The following STARD4 variants were observed in gnomAD, a reference collection of about 807,000 sequenced individuals.
STARD4 encodes the protein stAR-related lipid transfer protein 4.
STARD4 carries 33 observed loss-of-function variants against 24.9 expected under a neutral mutation model. The observed-to-expected ratio is 1.32, with a 90% CI of 1.00 to 1.77. The LOEUF (loss-of-function observed/expected upper bound fraction) is 1.77, where lower values mean the gene tolerates loss of function less well. STARD4 is among the 40% of genes most tolerant of loss of function. STARD4 has a pLI of 0.00. For missense variants in STARD4, 238 were observed against 249.3 expected, an observed-to-expected ratio of 0.95 and a Z score of 0.31; for synonymous variants, 88 against 77.4, an observed-to-expected ratio of 1.14 and a Z score of -0.72.
chr5:111,502,182 A>T, intron 3 of STARD4, 94 bp from the exon 4 acceptor site: 2 of 1,445,188 alleles, frequency 1.4e-6, no homozygotes, highest in East Asian at 2.3e-5. Flanking sequence ...TAAGGAAAAA[A>T]ATTAGGCCGG....
At chr5:111,508,119 A>G (rs1342514649) in intron 1 of STARD4, among the ~76,000 whole-genome samples, 2 of 152,122 alleles carry the variant, frequency 1.3e-5, no homozygotes, top group African/African-American at 4.8e-5. Flanking sequence ...ACTAATAACA[A>G]TGTAATGCCA....
rs775889089 is a variant in STARD4 at position 111,501,083 on chromosome 5, G to T, written c.316C>A (p.Gln106Lys). The change falls in exon 5 of 6, where the codon CAG becomes AAG. Residue 106 changes from glutamine (Q) to lysine (K), a missense_variant. Physicochemically the swap from Gln to Lys is moderately conservative, Grantham distance 53. Coordinates refer to ENST00000296632, the MANE Select transcript of STARD4 (RefSeq NM_139164.3). ...CCVMRYTTAG[Q>K]LWNIISPREF... ...CTTGGGGAAATTATATTCCAAAGCT[G>T]ACCAGCAGTAGTGTAACGCATCACA... 6.2e-7 allele frequency: 1 copy of T among 1,610,902 alleles called. No individual in the cohort carries two copies. Among genetic ancestry groups the T allele is most frequent in the Non-Finnish European group, 8.5e-7 (1 of 1,179,208 alleles).
Position 111,498,262 on chromosome 5 carries a change from G to A in STARD4, c.*1624C>T, listed in dbSNP as rs1756204148. 1 of 151,714 alleles carries A rather than the reference G, an allele frequency of 6.6e-6. No individual in the cohort carries two copies. The highest frequency in any genetic ancestry group is 2.4e-5 in the African/African-American group (1 of 41,326). The allele number at this position is 151,714 out of a possible 1,614,324, so 9.4% of individuals were successfully genotyped here. On this transcript the variant is annotated 3_prime_UTR_variant, in exon 6 of 6. Coordinates refer to ENST00000296632, the MANE Select transcript of STARD4 (RefSeq NM_139164.3). ...TACCTAGAGTGGGTCCATGTTTAAC[G>A]GTGAATTATGTAATTACTTATTGGA... is the stretch of plus-strand genomic sequence containing the variant.
chr5:111,506,411 T>C (rs755614849), intron 2 of STARD4, 32 bp from the exon 3 acceptor site: 3 of 1,126,410 alleles, frequency 2.7e-6, no homozygotes, highest in Admixed American at 2.1e-5. Flanking sequence ...ATGGTAATAA[T>C]TGCATAGGTG....
At chr5:111,501,843 C>G in intron 4 of STARD4, 119 bp downstream of exon 4, 1 of 1,372,136 alleles carries the variant, frequency 7.3e-7, no homozygotes, top group Non-Finnish European at 9.9e-7. Context: ...GTCGTGACTG[C>G]TATTCTCAAA....
At chr5:111,509,371 C>T (rs889656861) in intron 1 of STARD4, among the ~76,000 whole-genome samples, 97 of 152,122 alleles carry the variant, frequency 6.4e-4, no homozygotes, top group Admixed American at 1.8e-3. Flanking sequence ...ATCCAGTGCA[C>T]GGAAAGTTAC....
intron 4 of STARD4, 128 bp from the exon 5 acceptor site, chr5:111,501,244 C>T: frequency 9.6e-7 from 1 of 1,040,730 alleles, no homozygotes. Flanking sequence ...ATAATTCTTA[C>T]ACTGATTCTG....
At chr5:111,512,035 A>G (rs1757332038) in intron 1 of STARD4, among the ~76,000 whole-genome samples, 2 of 152,148 alleles carry the variant, frequency 1.3e-5, no homozygotes, top group South Asian at 4.1e-4. Context: ...GGACTGTCCC[A>G]AATCAAGCGG....
chr5:111,500,666 G>A (rs1756370629), intron 5 of STARD4: 6 of 1,290,588 alleles, frequency 4.6e-6, no homozygotes, highest in Admixed American at 7.9e-5. Context: ...ACCAAATCTA[G>A]TACTTCTCTG....
intron 2 of STARD4, 46 bp from the exon 3 acceptor site, chr5:111,506,425 C>A: frequency 1.1e-6 from 1 of 920,808 alleles, no homozygotes; most frequent in Non-Finnish European, 1.7e-6. Flanking sequence ...ATAGGTGGAA[C>A]CCTAGACACA....
In STARD4 at chr5:111,499,728, ATTTAC is replaced by A; in HGVS notation, c.*153_*157del. 1 of 666,324 alleles carries A rather than the reference ATTTAC, an allele frequency of 1.5e-6. No homozygotes were observed. The allele number at this position is 666,324 out of a possible 1,614,324, so 41.3% of individuals were successfully genotyped here. A position where few individuals can be genotyped will look rare whatever the true frequency, so the allele number is the denominator to read the frequency against. On this transcript the variant is annotated 3_prime_UTR_variant, in exon 6 of 6. Coordinates refer to ENST00000296632, the MANE Select transcript of STARD4 (RefSeq NM_139164.3). ...TGAAAATGCCCTCTCTTAGATAGCT[ATTTAC>A]TTTAGGAATAAAACCAAACATTGTA...
In STARD4 at chr5:111,496,765, G is replaced by A; in HGVS notation, c.*3121C>T. On this transcript the variant is annotated 3_prime_UTR_variant, in exon 6 of 6. Coordinates refer to ENST00000296632, the MANE Select transcript of STARD4 (RefSeq NM_139164.3). ...GAGGAGGAGAGAGAAGGGAGGGGAA[G>A]GAAAAAAATTCTATTAACTAGGAGA... The A allele has an allele frequency of 6.6e-6, 1 of 151,624 alleles. No homozygotes were observed. The highest frequency in any genetic ancestry group is 1.5e-5 in the Non-Finnish European group (1 of 67,840). The allele number at this position is 151,624 out of a possible 1,614,324, so 9.4% of individuals were successfully genotyped here.
Position 111,507,196 on chromosome 5 carries a change from GC to G in STARD4, c.105+132del. 3.0e-6 allele frequency: 2 copies of G among 677,690 alleles called. No homozygotes were observed. The highest frequency in any genetic ancestry group is 5.6e-5 in the East Asian group (2 of 35,426). 42.0% of individuals were successfully genotyped at this position (677,690 alleles called of 1,614,324 possible). On this transcript the variant is annotated intron_variant, in intron 2 of 5. Transcript: ENST00000296632. The surrounding 1 kb of genome is among the most constrained non-coding windows in gnomAD (Gnocchi z 4.4). Reference sequence around the variant, plus strand: ...TGACATTAGACTATCAACTTTATTAGCTCAATTATTTTTCTTGCATATCCAT... The same window carrying G: ...TGACATTAGACTATCAACTTTATTAGTCAATTATTTTTCTTGCATATCCAT...
At chr5:111,509,257 T>C (rs10214062) in intron 1 of STARD4, among the ~76,000 whole-genome samples, 21,746 of 152,062 alleles carry the variant, frequency 0.14, 1,678 homozygotes, top group African/African-American at 0.19. Flanking sequence ...CCTGCTAGGT[T>C]CCTGTGGTTG....
intron 1 of STARD4, among the ~76,000 whole-genome samples, chr5:111,511,068 A>G (rs991997056): frequency 2.0e-5 from 3 of 152,348 alleles, no homozygotes; most frequent in Admixed American, 2.0e-4. Context: ...AAATTAAATT[A>G]TATTTTCTAA....
intron 3 of STARD4, among the ~76,000 whole-genome samples, chr5:111,503,406 G>A (rs1187681807): frequency 1.3e-5 from 2 of 152,110 alleles, no homozygotes; most frequent in Non-Finnish European, 2.9e-5. Context: ...CGAGGTGGGC[G>A]GACCACGAGG....
At chr5:111,500,186 C>A in intron 5 of STARD4, 80 bp from the exon 6 acceptor site, 1 of 1,407,836 alleles carries the variant, frequency 7.1e-7, no homozygotes, top group East Asian at 2.6e-5. Context: ...TACCAGAATT[C>A]TTATTTAAAT....
chr5:111,504,571 A>C (rs184659631), intron 3 of STARD4, among the ~76,000 whole-genome samples: 14 of 152,324 alleles, frequency 9.2e-5, no homozygotes, highest in Admixed American at 7.8e-4. Context: ...AAGGAGATGA[A>C]ATAAGAAACT....
rs745699607 is a variant in STARD4 at position 111,500,110 on chromosome 5, T to C, written c.398-4A>G. The C allele has an allele frequency of 6.3e-7, 1 of 1,587,654 alleles. No individual in the cohort carries two copies. The highest frequency in any genetic ancestry group is 1.1e-5 in the South Asian group (1 of 88,118). On this transcript the variant is annotated splice_region_variant and splice_polypyrimidine_tract_variant and intron_variant, in intron 5 of 5. Coordinates refer to ENST00000296632, the MANE Select transcript of STARD4 (RefSeq NM_139164.3). ...TCATCCCAGTCAAGACTTATTCCTA[T>C]AAGGCAATTTTTAAAATAGCACTAT...
Sources: gnomAD v4.1 joint callset for allele counts (sites outside exome capture counted in the v4.1 genomes callset) on GRCh38, gnomAD v4.1.1 for gene constraint, Gnocchi (gnomAD v3.1) non-coding constraint, MANE v1.5 for transcripts, NCBI Gene and HGNC (gene_info 2026-07-23, HGNC 2026-07-21) for gene names.